SEMA5A: variants seen among roughly 807,000 people sequenced by gnomAD.
SEMA5A encodes the protein semaphorin 5A.
In SEMA5A, 55 loss-of-function variants were observed where a neutral mutation model predicts 135.5. The ratio of observed to expected loss-of-function variants is 0.41; its 90% CI spans 0.33 to 0.51. The LOEUF is 0.51. Among genes scored for constraint, SEMA5A ranks in the 20% least tolerant of loss-of-function variants. The pLI is 0.37. For missense variants in SEMA5A, 1,290 were observed against 1,419.9 expected (o/e 0.91, Z 1.47); for synonymous variants, 580 against 546.5 (o/e 1.06, Z -0.85).
intron 1 of SEMA5A, among the ~76,000 whole-genome samples, chr5:9,474,543 T>A (rs1388654573): frequency 6.6e-6 from 1 of 151,976 alleles, no homozygotes; most frequent in African/African-American, 2.4e-5. Flanking sequence ...ACACATGTTT[T>A]AAAGATTTAT....
At chr5:9,078,786 G>A (rs190509262) in intron 16 of SEMA5A, among the ~76,000 whole-genome samples, 2 of 152,164 alleles carry the variant, frequency 1.3e-5, no homozygotes, top group Admixed American at 6.5e-5. Flanking sequence ...AGTACTTATG[G>A]CAGACATAGG....
At chr5:9,349,851 G>C (rs142814928) in intron 3 of SEMA5A, among the ~76,000 whole-genome samples, 1 of 151,942 alleles carries the variant, frequency 6.6e-6, no homozygotes, top group African/African-American at 2.4e-5. Context: ...GCAGTGTGCC[G>C]AGATTGCGCC....
chr5:9,514,036 T>C (rs1736367500), intron 1 of SEMA5A, among the ~76,000 whole-genome samples: 1 of 152,206 alleles, frequency 6.6e-6, no homozygotes, highest in African/African-American at 2.4e-5. Flanking sequence ...CCCTGCTCCC[T>C]CTGGAGGCTA....
At chr5:9,333,273 T>A (rs1289747524) in intron 4 of SEMA5A, among the ~76,000 whole-genome samples, 8 of 152,228 alleles carry the variant, frequency 5.3e-5, no homozygotes, top group Non-Finnish European at 2.9e-5. Flanking sequence ...ATGCTACAGA[T>A]GCTTTGATAA....
chr5:9,281,326 A>G (rs2150564391), intron 5 of SEMA5A, among the ~76,000 whole-genome samples: 1 of 152,284 alleles, frequency 6.6e-6, no homozygotes, highest in African/African-American at 2.4e-5. Context: ...TGTTTTCCCT[A>G]TAATTTTTGT....
intron 1 of SEMA5A, among the ~76,000 whole-genome samples, chr5:9,529,155 A>G (rs1418343104): frequency 6.6e-6 from 1 of 152,204 alleles, no homozygotes; most frequent in African/African-American, 2.4e-5. Flanking sequence ...CAGCTCCATC[A>G]AGGTCTGAGG....
intron 9 of SEMA5A, among the ~76,000 whole-genome samples, chr5:9,200,727 C>T (rs915596931): frequency 2.0e-5 from 3 of 152,032 alleles, no homozygotes; most frequent in African/African-American, 4.8e-5. Flanking sequence ...AATACTAACA[C>T]AAGTTAAGCA....
intron 1 of SEMA5A, among the ~76,000 whole-genome samples, chr5:9,455,459 T>C (rs764142962): frequency 7.2e-5 from 11 of 151,950 alleles, no homozygotes; most frequent in Non-Finnish European, 1.3e-4. Flanking sequence ...GGTTTCACCA[T>C]GTTAGCAAGG....
intron 11 of SEMA5A, among the ~76,000 whole-genome samples, chr5:9,175,893 T>C (rs1316035762): frequency 6.6e-6 from 1 of 152,186 alleles, no homozygotes; most frequent in African/African-American, 2.4e-5. Context: ...AGAGGTGTCA[T>C]CTGTAAGACA....
chr5:9,269,600 G>C (rs576249594), intron 5 of SEMA5A, among the ~76,000 whole-genome samples: 2 of 152,146 alleles, frequency 1.3e-5, no homozygotes, highest in Non-Finnish European at 2.9e-5. Flanking sequence ...AAATATTCTT[G>C]TTAACACTAA....
At chr5:9,384,965 A>G (rs1176361177) in intron 2 of SEMA5A, among the ~76,000 whole-genome samples, 1 of 152,238 alleles carries the variant, frequency 6.6e-6, no homozygotes, top group Non-Finnish European at 1.5e-5. Context: ...GAATTTTCAA[A>G]GGATCAAAGT....
In SEMA5A at chr5:9,063,054, T is replaced by C. The variant is rs1737271901; in HGVS notation, c.2351A>G (p.Asn784Ser). 8 of 1,614,176 alleles carry C rather than the reference T, an allele frequency of 5.0e-6. No individual in the cohort carries two copies. The highest frequency in any genetic ancestry group is 2.2e-5 in the South Asian group (2 of 91,078). Residue 784 changes from asparagine to serine, a missense_variant, in exon 18 of 23, where the codon AAC becomes AGC. By Grantham distance (46) the Asn-to-Ser change is conservative (BLOSUM62 1). Transcript: ENST00000382496. ...CGACGTCCAGGCTGACCAAGCCCCGTTGACCGTGTGGGCAGAGTATCTCCC... is the reference window on the plus strand; with the variant it reads ...CGACGTCCAGGCTGACCAAGCCCCGCTGACCGTGTGGGCAGAGTATCTCCC... ...RAGRYSAHTV[N>S]GAWSAWTSWS...
intron 11 of SEMA5A, among the ~76,000 whole-genome samples, chr5:9,180,186 T>C (rs1390660392): frequency 6.6e-6 from 1 of 152,204 alleles, no homozygotes; most frequent in African/African-American, 2.4e-5. Context: ...TGGACTTTAC[T>C]AATTACATGC....
At chr5:9,535,730 C>G (rs1197175044) in intron 1 of SEMA5A, among the ~76,000 whole-genome samples, 1 of 151,866 alleles carries the variant, frequency 6.6e-6, no homozygotes, top group African/African-American at 2.4e-5. Flanking sequence ...AAGAGGGGGG[C>G]CTTTAAGAAG....
At chr5:9,243,253 C>T (rs1332342772) in intron 5 of SEMA5A, among the ~76,000 whole-genome samples, 1 of 152,148 alleles carries the variant, frequency 6.6e-6, no homozygotes, top group Non-Finnish European at 1.5e-5. Context: ...TGGGGTCTGC[C>T]GCTGACCTGT....
At chr5:9,354,239 G>A (rs942360556) in intron 3 of SEMA5A, among the ~76,000 whole-genome samples, 4 of 152,122 alleles carry the variant, frequency 2.6e-5, no homozygotes, top group Non-Finnish European at 4.4e-5. Context: ...CATAAGCCAG[G>A]GGGTATAATA....
rs898293437 is a variant in SEMA5A at position 9,038,378 on chromosome 5, C to T, written c.*4519G>A. On this transcript the variant is annotated 3_prime_UTR_variant, in exon 23 of 23. Transcript: ENST00000382496. ...AGAGCCATCTCTTGAGATAGAAATG[C>T]TGAGGTCAATGGAGTTACCCCCAAT... 2.6e-5 allele frequency: 4 copies of T among 152,114 alleles called. No individual in the cohort carries two copies. The highest frequency in any genetic ancestry group is 4.4e-5 in the Non-Finnish European group (3 of 68,038). 9.4% of individuals were successfully genotyped at this position (152,114 alleles called of 1,614,324 possible). A position where few individuals can be genotyped will look rare whatever the true frequency, so the allele number is the denominator to read the frequency against.
chr5:9,507,961 G>A (rs887276852), intron 1 of SEMA5A, among the ~76,000 whole-genome samples: 4 of 149,596 alleles, frequency 2.7e-5, no homozygotes, highest in South Asian at 2.1e-4. Flanking sequence ...CCAAGATTGC[G>A]CCACTGCATT....
At chr5:9,455,262 T>A (rs2387709) in intron 1 of SEMA5A, among the ~76,000 whole-genome samples, 26,387 of 149,256 alleles carry the variant, frequency 0.18, 2,858 homozygotes, top group African/African-American at 0.32. Context: ...TATTTATTTT[T>A]TTTTTTTTTT....
Sources: gnomAD v4.1 joint callset for allele counts (sites outside exome capture counted in the v4.1 genomes callset) on GRCh38, gnomAD v4.1.1 for gene constraint, MANE v1.5 for transcripts, NCBI Gene and HGNC (gene_info 2026-07-23, HGNC 2026-07-21) for gene names.